NACA: variants seen among roughly 807,000 people sequenced by gnomAD.
The protein encoded by NACA is nascent polypeptide-associated complex subunit alpha.
NACA carries 42 observed loss-of-function variants against 86.4 expected under a neutral mutation model. The observed-to-expected ratio is 0.49, with a 90% CI of 0.38 to 0.63. The LOEUF (loss-of-function observed/expected upper bound fraction) is 0.63, where lower values mean the gene tolerates loss of function less well. Among genes scored for constraint, NACA ranks in the 20% least tolerant of loss-of-function variants. NACA has a pLI of 0.00. For synonymous variants in NACA, 898 were observed against 973.7 expected, an observed-to-expected ratio of 0.92 and a Z score of 1.45; for missense variants, 2,157 against 2,483.6, an observed-to-expected ratio of 0.87 and a Z score of 2.80.
intron 2 of NACA, among the ~76,000 whole-genome samples, chr12:56,723,475 C>A (rs1420687665): frequency 6.6e-6 from 1 of 152,052 alleles, no homozygotes; most frequent in Non-Finnish European, 1.5e-5. Context: ...TTCCTTAAGC[C>A]CCTTGTACTT....
At chr12:56,714,483 T>G in intron 4 of NACA, 44 bp from the exon 5 acceptor site, 4 of 1,607,846 alleles carry the variant, frequency 2.5e-6, no homozygotes, top group Non-Finnish European at 3.4e-6. Flanking sequence ...ATCTAAGATC[T>G]GGATAGCACA....
Position 56,720,816 on chromosome 12 carries a change from G to A in NACA, c.714C>T (p.Thr238=). The change falls in exon 3 of 9, where the codon ACC becomes ACT. Residue 238 remains threonine (T), a synonymous_variant. Transcript: ENST00000454682. Reference sequence around the variant, plus strand: ...TGACTTGAGGGGAAGCGATGGCTAGGGTAGTTGTGGGTGTTGTCTGAGGAA... The same window carrying A: ...TGACTTGAGGGGAAGCGATGGCTAGAGTAGTTGTGGGTGTTGTCTGAGGAA... ...ASLPQTTPTT[T]LAIASPQVKD... is the part of the protein sequence containing the mutation. The A allele has an allele frequency of 6.2e-7, 1 of 1,614,028 alleles. No individual in the cohort carries two copies. Among genetic ancestry groups the A allele is most frequent in the South Asian group, 1.1e-5 (1 of 91,086 alleles).
chr12:56,724,058 A>G (rs1953646144), intron 2 of NACA, among the ~76,000 whole-genome samples: 1 of 152,160 alleles, frequency 6.6e-6, no homozygotes, highest in Non-Finnish European at 1.5e-5. Flanking sequence ...TCTGCTAACT[A>G]AAACCTTGAT....
At chr12:56,724,776 A>G in intron 1 of NACA, 1 of 495,402 alleles carries the variant, frequency 2.0e-6, no homozygotes, top group Non-Finnish European at 3.6e-6. Context: ...GCTCTCGATC[A>G]TGGGAGACTT....
In NACA at chr12:56,716,309, C is replaced by T. The variant is rs1410131015; in HGVS notation, c.5221G>A (p.Val1741Ile). Residue 1741 changes from valine (V) to isoleucine (I), a missense_variant, in exon 3 of 9, where the codon GTT (valine) becomes ATT (isoleucine). Transcript: ENST00000454682. Reference sequence around the variant, plus strand: ...GCTGTCTTTGAAGAGTCTTTCTGAACAGGGAGTAGAGGGGCTGGAGCCACT... The same window carrying T: ...GCTGTCTTTGAAGAGTCTTTCTGAATAGGGAGTAGAGGGGCTGGAGCCACT... ...STVAPAPLLP[V>I]QKDSSKTAKG... 6 of 1,612,826 alleles carry T rather than the reference C, an allele frequency of 3.7e-6. No homozygotes were observed. Among genetic ancestry groups the T allele is most frequent in the Non-Finnish European group, 5.1e-6 (6 of 1,179,770 alleles).
In NACA at chr12:56,720,509, C is replaced by T. The variant is rs1417109179; in HGVS notation, c.1021G>A (p.Val341Ile). The T allele has an allele frequency of 6.2e-6, 10 of 1,613,876 alleles. No individual in the cohort carries two copies. The highest frequency in any genetic ancestry group is 1.7e-5 in the Admixed American group (1 of 60,012). ...LSDPTVKTIS[V>I]DHSSTGASYP... ...GAGGCCCCTGTGGAAGAATGATCTACAGAAATGGTCTTCACTGTAGGGTCT... is the reference window on the plus strand; with the variant it reads ...GAGGCCCCTGTGGAAGAATGATCTATAGAAATGGTCTTCACTGTAGGGTCT... The change falls in exon 3 of 9, where the codon GTA becomes ATA. Residue 341 changes from valine (V) to isoleucine (I), a missense_variant. By Grantham distance (29) the Val-to-Ile change is conservative. Around this residue, in one of 8 missense-constraint regions of NACA, gnomAD observed 947 missense variants for 917.9 expected, o/e 1.03. Transcript: ENST00000454682.
chr12:56,716,950 A>G lies in NACA; in HGVS notation c.4580T>C (p.Ile1527Thr), dbSNP rs760409545. The change falls in exon 3 of 9, where the codon ATT becomes ACT. Residue 1527 changes from isoleucine to threonine, a missense_variant. Around this residue, in one of 8 missense-constraint regions of NACA, gnomAD observed 797 missense variants for 777.6 expected, o/e 1.02. Transcript: ENST00000454682. ...PATPSSRRDP[I>T]APTATLLSKK... ...AGAGAGAAGAGTCGCTGTTGGGGCA[A>G]TGGGGTCCCTTCTGGAGGATGGGGT... 15 of 1,283,508 alleles carry G rather than the reference A, an allele frequency of 1.2e-5. No individual in the cohort carries two copies. The highest frequency in any genetic ancestry group is 1.4e-5 in the Non-Finnish European group (14 of 996,730). The allele number at this position is 1,283,508 out of a possible 1,614,324, so 79.5% of individuals were successfully genotyped here.
chr12:56,712,592 A>T (rs781588996), intron 8 of NACA, 40 bp from the exon 9 acceptor site: 1 of 1,610,948 alleles, frequency 6.2e-7, no homozygotes, highest in Non-Finnish European at 8.5e-7. Flanking sequence ...CTTATAGGCA[A>T]ATCAGGAGAA....
Position 56,719,688 on chromosome 12 carries a change from A to G in NACA, c.1842T>C (p.Val614=). The G allele has an allele frequency of 1.9e-6, 3 of 1,613,888 alleles. No individual in the cohort carries two copies. The highest frequency in any genetic ancestry group is 8.5e-7 in the Non-Finnish European group (1 of 1,179,826). The part of the protein sequence containing the change: ...PASSMTSPLG[V]NSSASVIKTD... The stretch of plus-strand genomic sequence containing the variant: ...TCTTGATTACAGAGGCCGAGGAGTT[A>G]ACACCCAGAGGGGAGGTCATACTGC... Residue 614 remains valine, a synonymous_variant, in exon 3 of 9, where the codon GTT becomes GTC. Coordinates refer to ENST00000454682, the MANE Select transcript of NACA (RefSeq NM_001365896.1).
rs766700608 is a variant in NACA at position 56,721,390 on chromosome 12, G to C, written c.140C>G (p.Pro47Arg). The C allele has an allele frequency of 5.7e-6, 9 of 1,573,036 alleles. No individual in the cohort carries two copies. The highest frequency in any genetic ancestry group is 1.9e-5 in the Admixed American group (1 of 52,830). Reference protein sequence around the residue: ...ALGQPGPTLPPPCSPAPQQCP... With the variant: ...ALGQPGPTLPRPCSPAPQQCP... ...CTGTTGTGGGGCAGGAGAGCAAGGA[G>C]GGGGGAGGGTAGGTCCAGGCTGCCC... The change falls in exon 3 of 9, where the codon CCT becomes CGT. Residue 47 changes from proline to arginine, a missense_variant. Coordinates refer to ENST00000454682, the MANE Select transcript of NACA (RefSeq NM_001365896.1).
intron 2 of NACA, 29 bp from the exon 3 acceptor site, chr12:56,721,488 A>G: frequency 2.4e-6 from 3 of 1,239,990 alleles, no homozygotes; most frequent in Admixed American, 2.7e-5. Flanking sequence ...AGATAAAGAA[A>G]GGGGGAGGGG....
intron 5 of NACA, chr12:56,713,956 C>T (rs1284316138): frequency 9.4e-6 from 4 of 423,360 alleles, no homozygotes; most frequent in African/African-American, 8.0e-5. Flanking sequence ...ATTGCCGTGC[C>T]TCAGCCACCT....
In NACA at chr12:56,719,280, C is replaced by A. The variant is rs373296467; in HGVS notation, c.2250G>T (p.Lys750Asn). ...PPAGTPPGTK[K>N]VDGISHTSAL... ...CTGAAGTATGAGAAATACCATCAACCTTTTTTGTACCTGGAGGAGTCCCAG... is the reference window on the plus strand; with the variant it reads ...CTGAAGTATGAGAAATACCATCAACATTTTTTGTACCTGGAGGAGTCCCAG... The change falls in exon 3 of 9, where the codon AAG (lysine) becomes AAT (asparagine). Residue 750 changes from lysine to asparagine, a missense_variant. Physicochemically the swap from Lys to Asn is moderately conservative, Grantham distance 94. Transcript: ENST00000454682. 230 of 1,580,880 alleles carry A rather than the reference C, an allele frequency of 1.5e-4. No individual in the cohort carries two copies. The highest frequency in any genetic ancestry group is 4.7e-4 in the East Asian group (20 of 42,780).
At chr12:56,712,968 T>G in intron 7 of NACA, 60 bp from the exon 8 acceptor site, 1 of 1,612,648 alleles carries the variant, frequency 6.2e-7, no homozygotes, top group Non-Finnish European at 8.5e-7. Flanking sequence ...AGCAGTTCTT[T>G]GGAGTCTCCT....
At position 56,717,113 on chromosome 12, in the gene NACA, G is replaced by A; in HGVS notation, c.4417C>T (p.Pro1473Ser). The A allele has an allele frequency of 5.6e-6, 7 of 1,250,926 alleles. No homozygotes were observed. Among genetic ancestry groups the A allele is most frequent in the African/African-American group, 1.6e-5 (1 of 61,610 alleles). 77.5% of individuals were successfully genotyped at this position (1,250,926 alleles called of 1,614,324 possible). Residue 1473 changes from proline to serine, a missense_variant, in exon 3 of 9, where the codon CCT becomes TCT. Physicochemically the swap from Pro to Ser is moderately conservative, Grantham distance 74. Transcript: ENST00000454682. ...GGGGCTGGGGGCTCCTTGGGGGAAG[G>A]AGGAGTCACTGCTGGGAGGGTGGGA... ...GDPTLPAVTP[P>S]SPKEPPAPKQ... is the part of the protein sequence containing the mutation.
In NACA at chr12:56,716,277, G is replaced by A. The variant is rs1408202756; in HGVS notation, c.5253C>T (p.Gly1751=). The change falls in exon 3 of 9, where the codon GGC becomes GGT. Residue 1751 remains glycine (G), a synonymous_variant. Coordinates refer to ENST00000454682, the MANE Select transcript of NACA (RefSeq NM_001365896.1). The part of the protein sequence containing the change: ...VQKDSSKTAK[G]KDASHSPKGP... The stretch of plus-strand genomic sequence containing the variant: ...CCTTTGGGGAATGAGAAGCATCTTT[G>A]CCTTTTGCTGTCTTTGAAGAGTCTT... 2 of 1,613,396 alleles carry A rather than the reference G, an allele frequency of 1.2e-6. No homozygotes were observed. The highest frequency in any genetic ancestry group is 4.5e-5 in the East Asian group (2 of 44,896).
intron 3 of NACA, 103 bp downstream of exon 3, chr12:56,715,768 C>G: frequency 1.9e-6 from 2 of 1,041,408 alleles, no homozygotes; most frequent in East Asian, 2.5e-5. Context: ...CAAGCAGATT[C>G]ACTGGAGAAA....
In NACA at chr12:56,716,219, T is replaced by C. The variant is rs888451523; in HGVS notation, c.5311A>G (p.Thr1771Ala). The C allele has an allele frequency of 1.9e-6, 3 of 1,613,560 alleles. No homozygotes were observed. The highest frequency in any genetic ancestry group is 2.7e-5 in the African/African-American group (2 of 74,878). The change falls in exon 3 of 9, where the codon ACC becomes GCC. Residue 1771 changes from threonine to alanine, a missense_variant. Thr to Ala is a moderately conservative substitution (Grantham distance 58). Around this residue, in one of 8 missense-constraint regions of NACA, gnomAD observed 797 missense variants for 777.6 expected, o/e 1.02. Transcript: ENST00000454682. ...PLAPPESKAS[T>A]PLTAAAFEKV... is the part of the protein sequence containing the mutation. ...TCAAAGGCAGCTGCTGTTAGAGGGG[T>C]GGACGCCTTAGACTCAGGAGGAGCC...
At chr12:56,721,513 T>G in intron 2 of NACA, 54 bp from the exon 3 acceptor site, 2 of 1,262,400 alleles carry the variant, frequency 1.6e-6, no homozygotes, top group Non-Finnish European at 2.1e-6. Flanking sequence ...AGAAAAAAGG[T>G]GAGTTATGCA....
Sources: allele counts gnomAD v4.1 joint callset (sites outside exome capture counted in the v4.1 genomes callset), GRCh38; gene constraint gnomAD v4.1.1; regional missense constraint gnomAD v4.1.1; transcripts MANE v1.5; gene names NCBI Gene and HGNC (gene_info 2026-07-23, HGNC 2026-07-21).